The following VPS33A variants were observed in gnomAD, a reference collection of about 807,000 sequenced individuals.
The protein encoded by VPS33A is VPS33A core subunit of CORVET and HOPS complexes, also known as vacuolar protein sorting-associated protein 33A.
A neutral mutation model predicts 71.8 loss-of-function variants in VPS33A; 32 were observed. The observed-to-expected ratio is 0.45, with a 90% CI of 0.34 to 0.60. The LOEUF is 0.60. Among genes scored for constraint, VPS33A ranks in the 20% least tolerant of loss-of-function variants. VPS33A has a pLI of 0.02. For synonymous variants in VPS33A, 311 were observed against 292.7 expected (o/e 1.06, Z -0.64); for missense variants, 625 against 748.5 (o/e 0.84, Z 1.92).
At chr12:122,232,479 T>C in intron 12 of VPS33A, 52 bp from the exon 13 acceptor site, 1 of 1,487,312 alleles carries the variant, frequency 6.7e-7, no homozygotes, top group Non-Finnish European at 9.1e-7. Context: ...AATGCTTCTC[T>C]TCCCACCTCT....
chr12:122,256,233 C>T (rs1396392982), intron 4 of VPS33A, among the ~76,000 whole-genome samples: 2 of 151,958 alleles, frequency 1.3e-5, no homozygotes, highest in South Asian at 2.1e-4. Context: ...ACTATACCAG[C>T]GGTTCCCTAA....
chr12:122,252,653 G>C lies in VPS33A; in HGVS notation c.484-1554C>G, dbSNP rs74488696. On this transcript the variant is annotated intron_variant, in intron 4 of 12. Coordinates refer to ENST00000267199, the MANE Select transcript of VPS33A (RefSeq NM_022916.6). Reference sequence around the variant, plus strand: ...GAGGGAAGCAGTCACTTTTGATACAGGTGGATCAAAACACAGGTTCTAGAC... The same window carrying C: ...GAGGGAAGCAGTCACTTTTGATACACGTGGATCAAAACACAGGTTCTAGAC... Among the ~76,000 whole-genome samples the C allele has an allele frequency of 2.1e-3, 320 of 152,232 alleles. 5 individuals carry two copies. In the East Asian group the frequency reaches 0.043, roughly 20 times the overall value.
rs569562977 is a variant in VPS33A at position 122,266,414 on chromosome 12, T to C, written c.-6A>G. The C allele has an allele frequency of 3.7e-5, 59 of 1,608,298 alleles. 1 individual carries two copies. The highest frequency in any genetic ancestry group is 3.2e-4 in the Admixed American group (19 of 59,818). On this transcript the variant is annotated 5_prime_UTR_variant, in exon 1 of 13. Coordinates refer to ENST00000267199, the MANE Select transcript of VPS33A (RefSeq NM_022916.6). ...TAGGACAGATGAGCCGCCATCTTGC[T>C]CCACCACCCCCTGCCCCACAACGCC...
intron 4 of VPS33A, among the ~76,000 whole-genome samples, chr12:122,258,935 C>T (rs1182517742): frequency 7.0e-6 from 1 of 143,054 alleles, no homozygotes; most frequent in Non-Finnish European, 1.5e-5. Flanking sequence ...GTGCCAAGAT[C>T]GAGATCGCAC....
chr12:122,260,011 C>G (rs150867881), intron 4 of VPS33A, among the ~76,000 whole-genome samples: 317 of 152,052 alleles, frequency 2.1e-3, no homozygotes, highest in African/African-American at 6.9e-3. Flanking sequence ...TCACTGCACT[C>G]CAACCTGGGC....
intron 4 of VPS33A, among the ~76,000 whole-genome samples, chr12:122,255,577 C>T (rs1954905629): frequency 6.6e-6 from 1 of 151,826 alleles, no homozygotes; most frequent in Non-Finnish European, 1.5e-5. Context: ...CAGTGGCGGG[C>T]ACCTGTAATT....
At chr12:122,263,356 ATAG>A (rs1955023907) in intron 3 of VPS33A, among the ~76,000 whole-genome samples, 2 of 152,102 alleles carry the variant, frequency 1.3e-5, no homozygotes, top group Admixed American at 6.6e-5. Context: ...GTGCTATCAA[ATAG>A]TAGGTCTTAT....
intron 1 of VPS33A, among the ~76,000 whole-genome samples, chr12:122,265,414 TTAAA>T (rs1470433317): frequency 6.6e-6 from 1 of 152,128 alleles, no homozygotes; most frequent in African/African-American, 2.4e-5. Context: ...TCTTATTTAT[TTAAA>T]TAATTGTACA....
At chr12:122,254,999 C>T (rs1954897094) in intron 4 of VPS33A, among the ~76,000 whole-genome samples, 2 of 147,930 alleles carry the variant, frequency 1.4e-5, no homozygotes, top group Non-Finnish European at 3.0e-5. Context: ...TGCAATGAGA[C>T]GAGATGGCAC....
intron 9 of VPS33A, 112 bp from the exon 10 acceptor site, chr12:122,238,836 T>C: frequency 5.2e-6 from 6 of 1,146,030 alleles, no homozygotes; most frequent in Non-Finnish European, 7.3e-6. Flanking sequence ...TAACTTGATG[T>C]TTATTATTAT....
intron 4 of VPS33A, among the ~76,000 whole-genome samples, chr12:122,258,242 T>C (rs1461343206): frequency 6.6e-6 from 1 of 151,874 alleles, no homozygotes; most frequent in Admixed American, 6.6e-5. Context: ...TAAAAAATTA[T>C]AGAACTCTTA....
At chr12:122,247,195 C>T (rs965120010) in intron 6 of VPS33A, among the ~76,000 whole-genome samples, 2 of 151,846 alleles carry the variant, frequency 1.3e-5, no homozygotes, top group African/African-American at 2.4e-5. Flanking sequence ...GTTTGACTTA[C>T]ATTACGAAAA....
chr12:122,245,048 T>G (rs1183904276), intron 6 of VPS33A, among the ~76,000 whole-genome samples: 1 of 152,190 alleles, frequency 6.6e-6, no homozygotes, highest in Non-Finnish European at 1.5e-5. Context: ...CAGAAAACTT[T>G]CAAGGATCTC....
Position 122,231,314 on chromosome 12 carries a change from A to G in VPS33A, c.*932T>C, listed in dbSNP as rs144287932. 3.9e-5 allele frequency: 6 copies of G among 152,372 alleles called. 2 individuals carry two copies. Among genetic ancestry groups the G allele is most frequent in the African/African-American group, 1.4e-4 (6 of 41,592 alleles). The allele number at this position is 152,372 out of a possible 1,614,324, so 9.4% of individuals were successfully genotyped here. On this transcript the variant is annotated 3_prime_UTR_variant, in exon 13 of 13. Coordinates refer to ENST00000267199, the MANE Select transcript of VPS33A (RefSeq NM_022916.6). The stretch of plus-strand genomic sequence containing the variant: ...GGAGATGTAGCTGATCACATAGAGC[A>G]TAAACTTTGTTTCTGGGCAAGAAGC...
intron 7 of VPS33A, among the ~76,000 whole-genome samples, chr12:122,243,519 G>A (rs1474475982): frequency 2.6e-5 from 4 of 152,242 alleles, no homozygotes; most frequent in African/African-American, 7.2e-5. Flanking sequence ...GATGACAGGC[G>A]TGAGCCACTG....
At chr12:122,254,799 C>T (rs1174336636) in intron 4 of VPS33A, among the ~76,000 whole-genome samples, 1 of 152,088 alleles carries the variant, frequency 6.6e-6, no homozygotes, top group African/African-American at 2.4e-5. Flanking sequence ...CGCCTGTAAT[C>T]CCAGCACTTT....
chr12:122,250,726 G>A (rs113051639), intron 5 of VPS33A, among the ~76,000 whole-genome samples: 34 of 152,306 alleles, frequency 2.2e-4, no homozygotes, highest in African/African-American at 7.9e-4. Flanking sequence ...GAAATGGGAA[G>A]GTGGAGTGTC....
chr12:122,256,365 G>C (rs1339520451), intron 4 of VPS33A, among the ~76,000 whole-genome samples: 1 of 152,010 alleles, frequency 6.6e-6, no homozygotes, highest in African/African-American at 2.4e-5. Flanking sequence ...CTTGAGGTCA[G>C]GAGTTCGAGA....
chr12:122,244,710 A>G lies in VPS33A; in HGVS notation c.828T>C (p.Gly276=). 6.2e-7 allele frequency: 1 copy of G among 1,614,000 alleles called. No homozygotes were observed. ...TTGCTTCCGTGGGGAGGTCCTTACC[A>G]CCATCGCCCTGTTTCTTAGGTGCAA... ...EKFAPKKQGD[G]GKDLPTEAKK... is the part of the protein sequence containing the mutation. The change falls in exon 7 of 13, where the codon GGT becomes GGC. Residue 276 remains glycine, a synonymous_variant. Transcript: ENST00000267199.
Sources: allele counts gnomAD v4.1 joint callset (sites outside exome capture counted in the v4.1 genomes callset), GRCh38; gene constraint gnomAD v4.1.1; transcripts MANE v1.5; gene names NCBI Gene and HGNC (gene_info 2026-07-23, HGNC 2026-07-21).